Variants in PRKCZ observed in about 807,000 individuals in gnomAD.
PRKCZ encodes the protein protein kinase C zeta type.
In PRKCZ, 33 loss-of-function variants were observed where a neutral mutation model predicts 79.5. The observed-to-expected ratio is 0.41, with a 90% CI of 0.31 to 0.55. The LOEUF (loss-of-function observed/expected upper bound fraction) is 0.55, where lower values mean the gene tolerates loss of function less well. PRKCZ is among the 20% of genes least tolerant of loss of function. PRKCZ has a pLI of 0.19. For synonymous variants in PRKCZ, 342 were observed against 320.9 expected (o/e 1.07, Z -0.70); for missense variants, 578 against 813.5 (o/e 0.71, Z 3.52).
At chr1:2,163,516 A>T (rs1371559799) in intron 10 of PRKCZ, among the ~76,000 whole-genome samples, 1 of 152,242 alleles carries the variant, frequency 6.6e-6, no homozygotes, top group Admixed American at 6.5e-5. Context: ...TGAAGCTGAG[A>T]GAAGATGACC....
intron 16 of PRKCZ, chr1:2,181,913 A>C: frequency 2.2e-6 from 1 of 455,952 alleles, no homozygotes; most frequent in East Asian, 7.0e-5. Flanking sequence ...CGCACACCAC[A>C]GGTGAGCCGT....
At position 2,082,880 on chromosome 1, in the gene PRKCZ, G is replaced by A. The variant is rs1663826820; in HGVS notation, c.334+23289G>A. Among the ~76,000 whole-genome samples, 1 of 150,376 alleles carries A rather than the reference G, an allele frequency of 6.6e-6. No homozygotes were observed. Among genetic ancestry groups the A allele is most frequent in the Non-Finnish European group, 1.5e-5 (1 of 67,424 alleles). On this transcript the variant is annotated intron_variant, in intron 4 of 17. Coordinates refer to ENST00000378567, the MANE Select transcript of PRKCZ (RefSeq NM_002744.6). The surrounding 1 kb of genome is among the most constrained non-coding windows in gnomAD (Gnocchi z 4.4). ...GAGGGTGGAGGGGTGGTGTGAGGGTGCAAGGGAGAGGGTGGAGAGGGTGGC... is the reference window on the plus strand; with the variant it reads ...GAGGGTGGAGGGGTGGTGTGAGGGTACAAGGGAGAGGGTGGAGAGGGTGGC...
At chr1:2,086,886 C>T (rs1382716902) in intron 4 of PRKCZ, among the ~76,000 whole-genome samples, 1 of 152,166 alleles carries the variant, frequency 6.6e-6, no homozygotes, top group East Asian at 1.9e-4. Context: ...GCAGACCCAG[C>T]CAGGCCAGGG....
At chr1:2,161,058 C>G (rs1204411035) in intron 10 of PRKCZ, among the ~76,000 whole-genome samples, 1 of 152,140 alleles carries the variant, frequency 6.6e-6, no homozygotes, top group Non-Finnish European at 1.5e-5. Flanking sequence ...TCTTGGGGAA[C>G]ATGAGTCACC....
chr1:2,123,644 GTGGTAGTTAGGGT>G lies in PRKCZ; in HGVS notation c.335-11617_335-11605del, dbSNP rs1673029536. On this transcript the variant is annotated intron_variant, in intron 4 of 17. Transcript: ENST00000378567. ...GGTCACGGCGGTGGTTAGGGTCACG[GTGGTAGTTAGGGT>G]CACGGTGGTGGTTAGGGTCACGGCG... is the stretch of plus-strand genomic sequence containing the variant. Among the ~76,000 whole-genome samples the G allele has an allele frequency of 6.0e-5, 5 of 83,574 alleles. 2 individuals are homozygous for G. Among genetic ancestry groups the G allele is most frequent in the African/African-American group, 1.1e-4 (2 of 18,656 alleles). 54.8% of individuals were successfully genotyped at this position (83,574 alleles called of 152,430 possible). A position where few individuals can be genotyped will look rare whatever the true frequency, so the allele number is the denominator to read the frequency against.
intron 4 of PRKCZ, among the ~76,000 whole-genome samples, chr1:2,107,146 C>T (rs1668708627): frequency 6.6e-6 from 1 of 152,248 alleles, no homozygotes; most frequent in African/African-American, 2.4e-5. Flanking sequence ...GCGTCTGTGA[C>T]CGGGGTGCGG....
At chr1:2,066,643 TGC>T (rs1212600015) in intron 4 of PRKCZ, among the ~76,000 whole-genome samples, 1 of 152,218 alleles carries the variant, frequency 6.6e-6, no homozygotes, top group Non-Finnish European at 1.5e-5. Flanking sequence ...CGCCCGGCCC[TGC>T]TCTCATCTTT....
chr1:2,091,819 C>A (rs1007903093), intron 4 of PRKCZ, among the ~76,000 whole-genome samples: 1 of 152,174 alleles, frequency 6.6e-6, no homozygotes, highest in Non-Finnish European at 1.5e-5. Flanking sequence ...AGGGGGCGTC[C>A]GAGGGCCCTG....
At chr1:2,109,417 A>G (rs947590459) in intron 4 of PRKCZ, among the ~76,000 whole-genome samples, 9 of 152,184 alleles carry the variant, frequency 5.9e-5, no homozygotes, top group African/African-American at 2.2e-4. Flanking sequence ...TCTCATCTGT[A>G]AAGTGGTGCA....
chr1:2,118,063 C>T (rs974677244), intron 4 of PRKCZ, among the ~76,000 whole-genome samples: 15 of 118,714 alleles, frequency 1.3e-4, no homozygotes, highest in African/African-American at 4.9e-4. Context: ...GTGGCCCGAT[C>T]TGGGCGCACT....
intron 4 of PRKCZ, among the ~76,000 whole-genome samples, chr1:2,064,765 T>A (rs1660981789): frequency 6.6e-6 from 1 of 152,252 alleles, no homozygotes; most frequent in African/African-American, 2.4e-5. Context: ...TGTAGCTTTG[T>A]AGGAAGTTTT....
chr1:2,088,406 T>G (rs2102456899), intron 4 of PRKCZ, among the ~76,000 whole-genome samples: 1 of 152,270 alleles, frequency 6.6e-6, no homozygotes, highest in South Asian at 2.1e-4. Context: ...ATCCCTCAGC[T>G]TTGGCCCTGG....
intron 4 of PRKCZ, among the ~76,000 whole-genome samples, chr1:2,078,022 C>T (rs988411150): frequency 2.0e-5 from 3 of 152,226 alleles, no homozygotes; most frequent in Non-Finnish European, 4.4e-5. Context: ...TCCTAGATGT[C>T]TTGTCTCAAA....
intron 4 of PRKCZ, among the ~76,000 whole-genome samples, chr1:2,079,703 A>G (rs772183133): frequency 1.2e-4 from 19 of 152,154 alleles, no homozygotes; most frequent in Non-Finnish European, 2.2e-4. Flanking sequence ...GGTTGGTGAT[A>G]ACGTCTCCTT....
At chr1:2,059,736 G>C (rs992608915) in intron 4 of PRKCZ, 145 bp downstream of exon 4, 1 of 1,048,212 alleles carries the variant, frequency 9.5e-7, no homozygotes, top group South Asian at 1.4e-5. Flanking sequence ...GTGACCGCAG[G>C]TGGGGTTTTC....
intron 4 of PRKCZ, among the ~76,000 whole-genome samples, chr1:2,062,198 A>G (rs572667534): frequency 1.3e-5 from 2 of 152,202 alleles, no homozygotes; most frequent in African/African-American, 2.4e-5. Flanking sequence ...TATCATCTCT[A>G]TGTAGTTACA....
chr1:2,153,290 GTC>G (rs1279435942), intron 9 of PRKCZ, among the ~76,000 whole-genome samples: 1 of 152,238 alleles, frequency 6.6e-6, no homozygotes. Flanking sequence ...TGCAGGTTGC[GTC>G]TCTCAGGATT....
At chr1:2,136,735 C>T (rs1426393321) in intron 5 of PRKCZ, among the ~76,000 whole-genome samples, 2 of 152,084 alleles carry the variant, frequency 1.3e-5, no homozygotes, top group Non-Finnish European at 2.9e-5. Context: ...TGTTGCAGCA[C>T]AGAGATCCCG....
At chr1:2,052,519 C>G (rs1659773828) in intron 1 of PRKCZ, among the ~76,000 whole-genome samples, 1 of 151,918 alleles carries the variant, frequency 6.6e-6, no homozygotes. Flanking sequence ...TCACCTTCCT[C>G]CCCCTTCTAG....
Sources: allele counts gnomAD v4.1 joint callset (sites outside exome capture counted in the v4.1 genomes callset), GRCh38; gene constraint gnomAD v4.1.1; non-coding constraint Gnocchi (gnomAD v3.1); transcripts MANE v1.5; gene names NCBI Gene and HGNC (gene_info 2026-07-23, HGNC 2026-07-21).